The following LRMDA variants were observed in gnomAD, a reference collection of about 807,000 sequenced individuals.
LRMDA encodes the protein leucine-rich melanocyte differentiation-associated protein.
In LRMDA, 18 loss-of-function variants were observed where a neutral mutation model predicts 29.8. The ratio of observed to expected loss-of-function variants is 0.60; its 90% CI spans 0.42 to 0.90. LRMDA has a LOEUF of 0.90. Ranked by LOEUF, LRMDA falls within the 40% of genes least tolerant of loss-of-function variation. LRMDA has a pLI of 0.00. For synonymous variants in LRMDA, 125 were observed against 109.4 expected, an observed-to-expected ratio of 1.14 and a Z score of -0.89; for missense variants, 273 against 273.9, an observed-to-expected ratio of 1.00 and a Z score of 0.02.
intron 2 of LRMDA, among the ~76,000 whole-genome samples, chr10:75,894,592 T>C (rs1464315042): frequency 1.3e-5 from 2 of 152,212 alleles, no homozygotes; most frequent in East Asian, 3.8e-4. Flanking sequence ...TTCTGATACA[T>C]AATGAAGCTC....
At position 76,336,805 on chromosome 10, in the gene LRMDA, T is replaced by A. The variant is rs370215930; in HGVS notation, c.601+12320T>A. 2.0e-5 allele frequency among the ~76,000 whole-genome samples: 3 copies of A among 152,336 alleles called. No individual in the cohort carries two copies. In the East Asian group the frequency reaches 5.8e-4, roughly 29 times the overall value. On this transcript the variant is annotated intron_variant, in intron 6 of 6. Transcript: ENST00000611255. ...TATCTTGCTATACCTCATCAGTTTA[T>A]CCTAAATCAAGGAGAGTCAAAGAGG...
intron 5 of LRMDA, among the ~76,000 whole-genome samples, chr10:76,177,386 G>A (rs1043396442): frequency 6.7e-6 from 1 of 148,492 alleles, no homozygotes; most frequent in African/African-American, 2.5e-5. Flanking sequence ...ACCAGTTTGA[G>A]TTGGTTAAAA....
intron 2 of LRMDA, among the ~76,000 whole-genome samples, chr10:75,931,843 C>G (rs1393892476): frequency 6.6e-6 from 1 of 152,166 alleles, no homozygotes; most frequent in African/African-American, 2.4e-5. Flanking sequence ...TGCAATGTTA[C>G]TGATTTAGGA....
At chr10:75,579,330 G>C (rs139010254) in intron 2 of LRMDA, among the ~76,000 whole-genome samples, 2,053 of 152,202 alleles carry the variant, frequency 0.013, 22 homozygotes, top group Non-Finnish European at 0.018. Flanking sequence ...AGAAGAAATG[G>C]GTAAGTTCCT....
At chr10:76,116,927 C>T (rs1849677116) in intron 5 of LRMDA, among the ~76,000 whole-genome samples, 1 of 152,166 alleles carries the variant, frequency 6.6e-6, no homozygotes, top group Non-Finnish European at 1.5e-5. Flanking sequence ...TTCCAGGGCT[C>T]TCTTGGGTAA....
At chr10:75,441,038 AAAAG>A (rs1282548146) in intron 2 of LRMDA, among the ~76,000 whole-genome samples, 2 of 152,138 alleles carry the variant, frequency 1.3e-5, no homozygotes, top group Non-Finnish European at 2.9e-5. Context: ...ACTGTCTCAA[AAAAG>A]AAAGAAAGAA....
At chr10:75,548,093 T>C (rs144428482) in intron 2 of LRMDA, among the ~76,000 whole-genome samples, 300 of 150,454 alleles carry the variant, frequency 2.0e-3, no homozygotes, top group African/African-American at 7.2e-3. Flanking sequence ...AAGGACAGCA[T>C]TTAAAAGAAA....
intron 3 of LRMDA, among the ~76,000 whole-genome samples, chr10:76,038,233 A>T (rs41300546): frequency 1.1e-3 from 169 of 152,318 alleles, no homozygotes; most frequent in Non-Finnish European, 1.9e-3. Context: ...TCTCATTTTT[A>T]AAGAAATATG....
At chr10:76,400,175 G>A (rs1354424487) in intron 6 of LRMDA, among the ~76,000 whole-genome samples, 1 of 152,206 alleles carries the variant, frequency 6.6e-6, no homozygotes, top group Non-Finnish European at 1.5e-5. Context: ...AGCAGCAGAG[G>A]GTGGCCTCTG....
At chr10:75,548,441 C>CT (rs1840104564) in intron 2 of LRMDA, among the ~76,000 whole-genome samples, 1 of 152,134 alleles carries the variant, frequency 6.6e-6, no homozygotes, top group Non-Finnish European at 1.5e-5. Flanking sequence ...GTGAGGAACT[C>CT]TAATTTTAAT....
intron 2 of LRMDA, among the ~76,000 whole-genome samples, chr10:75,729,724 T>C (rs1309015268): frequency 1.3e-5 from 2 of 152,188 alleles, no homozygotes; most frequent in Non-Finnish European, 2.9e-5. Flanking sequence ...ACACTATATG[T>C]TGACCCACAC....
intron 5 of LRMDA, among the ~76,000 whole-genome samples, chr10:76,060,574 C>T (rs1848688048): frequency 6.6e-6 from 1 of 152,168 alleles, no homozygotes; most frequent in African/African-American, 2.4e-5. Flanking sequence ...ACTGGGCCCA[C>T]ACTCTTCTCT....
chr10:75,902,070 C>G (rs1845683097), intron 2 of LRMDA, among the ~76,000 whole-genome samples: 1 of 152,132 alleles, frequency 6.6e-6, no homozygotes, highest in Admixed American at 6.5e-5. Context: ...GCTCCCTTCT[C>G]TTTTCCTTCA....
chr10:75,782,775 A>C, intron 2 of LRMDA: 1 of 1,402,164 alleles, frequency 7.1e-7, no homozygotes. Flanking sequence ...AAGAAAGAGG[A>C]TCTGGCTGAA....
intron 2 of LRMDA, among the ~76,000 whole-genome samples, chr10:75,649,454 T>A (rs769632883): frequency 6.6e-6 from 1 of 152,242 alleles, no homozygotes; most frequent in African/African-American, 2.4e-5. Context: ...ACAACACTTG[T>A]GTATCTGTTC....
chr10:76,486,916 T>TG (rs887057174), intron 6 of LRMDA, among the ~76,000 whole-genome samples: 3 of 151,898 alleles, frequency 2.0e-5, no homozygotes, highest in Non-Finnish European at 4.4e-5. Context: ...TCTTTGGTCT[T>TG]GGGGGGCTCC....
chr10:75,660,456 A>G (rs1268422702), intron 2 of LRMDA, among the ~76,000 whole-genome samples: 1 of 152,184 alleles, frequency 6.6e-6, no homozygotes, highest in Non-Finnish European at 1.5e-5. Flanking sequence ...CAGAAATGCC[A>G]CCATTGATGC....
At chr10:75,457,562 A>AT (rs1053363946) in intron 2 of LRMDA, among the ~76,000 whole-genome samples, 5 of 152,070 alleles carry the variant, frequency 3.3e-5, no homozygotes, top group African/African-American at 1.2e-4. Context: ...TCACCTTATC[A>AT]TTTTTTCAGG....
intron 5 of LRMDA, among the ~76,000 whole-genome samples, chr10:76,182,891 T>G (rs922990516): frequency 6.6e-6 from 1 of 152,106 alleles, no homozygotes; most frequent in Non-Finnish European, 1.5e-5. Context: ...GTGAGCAGCA[T>G]CAAGGGTAGT....
Sources: gnomAD v4.1 joint callset for allele counts (sites outside exome capture counted in the v4.1 genomes callset) on GRCh38, gnomAD v4.1.1 for gene constraint, MANE v1.5 for transcripts, NCBI Gene and HGNC (gene_info 2026-07-23, HGNC 2026-07-21) for gene names.